Variants in ITGB5 observed in about 807,000 individuals in gnomAD.
ITGB5 encodes the protein integrin subunit beta 5, also known as integrin beta-5.
In ITGB5, 38 loss-of-function variants were observed where a neutral mutation model predicts 84.8. That is an observed-to-expected ratio of 0.45 (90% confidence interval 0.35 to 0.59). The LOEUF (loss-of-function observed/expected upper bound fraction) is 0.59. Ranked by LOEUF, ITGB5 falls within the 20% of genes least tolerant of loss-of-function variation. The pLI is 0.01. For missense variants in ITGB5, 905 were observed against 1,034.5 expected (o/e 0.87, Z 1.72); for synonymous variants, 393 against 414.4 (o/e 0.95, Z 0.63).
intron 1 of ITGB5, among the ~76,000 whole-genome samples, chr3:124,885,632 C>T (rs1934769150): frequency 6.6e-6 from 1 of 152,330 alleles, no homozygotes; most frequent in South Asian, 2.1e-4. Context: ...CTGTGTGATG[C>T]AGGCTACATC....
At chr3:124,796,324 G>A in intron 10 of ITGB5, 64 bp downstream of exon 10, 1 of 1,419,452 alleles carries the variant, frequency 7.0e-7, no homozygotes, top group Non-Finnish European at 9.7e-7. Context: ...GGCAGGCTTT[G>A]GGAGGGTGTC....
At chr3:124,864,448 G>A (rs923033798) in intron 2 of ITGB5, among the ~76,000 whole-genome samples, 2 of 152,032 alleles carry the variant, frequency 1.3e-5, no homozygotes, top group African/African-American at 4.8e-5. Flanking sequence ...AATGAATACG[G>A]ATGCCTCATA....
intron 10 of ITGB5, among the ~76,000 whole-genome samples, chr3:124,790,712 CT>C (rs377759349): frequency 7.2e-4 from 105 of 146,122 alleles, no homozygotes; most frequent in Admixed American, 7.6e-4. Context: ...TCTTCTTGTT[CT>C]TTTTTTTTTT....
chr3:124,843,903 G>C (rs1032197644), intron 4 of ITGB5, among the ~76,000 whole-genome samples: 12 of 152,132 alleles, frequency 7.9e-5, no homozygotes, highest in African/African-American at 2.7e-4. Context: ...GGGAGTGTCT[G>C]TATGTATAAA....
chr3:124,827,625 T>C (rs1031173480), intron 5 of ITGB5, among the ~76,000 whole-genome samples: 1 of 152,174 alleles, frequency 6.6e-6, no homozygotes, highest in South Asian at 2.1e-4. Context: ...GCCCTGCTGG[T>C]AGGAATGTAA....
rs1334812408 is a variant in ITGB5, at chr3:124,859,004, A to G, written c.361+238T>C. 5.3e-5 allele frequency among the ~76,000 whole-genome samples: 8 copies of G among 152,274 alleles called. No individual in the cohort carries two copies. In the South Asian group the frequency reaches 1.5e-3, roughly 28 times the overall value. On this transcript the variant is annotated intron_variant, in intron 3 of 14. Transcript: ENST00000296181. ...CGCTTAAATGGTAAATGTTATGTAT[A>G]TTTCACCACAATTGTTTAAAAATAG...
Position 124,877,399 on chromosome 3 carries a change from T to C in ITGB5, c.71-3868A>G, listed in dbSNP as rs140077565. On this transcript the variant is annotated intron_variant, in intron 1 of 14. Transcript: ENST00000296181. The stretch of plus-strand genomic sequence containing the variant: ...TCCCCGTACCTGTCAGCAATCACTA[T>C]CTGCAGGGGAAAAAAAATAAATCTA... Among the ~76,000 whole-genome samples, 3 of 152,250 alleles carry C rather than the reference T, an allele frequency of 2.0e-5. No homozygotes were observed. In the East Asian group the frequency reaches 5.8e-4, roughly 29 times the overall value.
At chr3:124,827,994 G>A (rs1030207178) in intron 5 of ITGB5, among the ~76,000 whole-genome samples, 2 of 103,236 alleles carry the variant, frequency 1.9e-5, no homozygotes, top group African/African-American at 5.0e-5. Flanking sequence ...CAACGCCCCC[G>A]CCGCCAGCTC....
chr3:124,851,608 AACAC>A (rs3836319), intron 3 of ITGB5, among the ~76,000 whole-genome samples: 1,543 of 146,036 alleles, frequency 0.011, 29 homozygotes, highest in African/African-American at 0.035. Flanking sequence ...TCAGTAAGAA[AACAC>A]ACACACACAC....
intron 2 of ITGB5, among the ~76,000 whole-genome samples, chr3:124,873,135 C>A (rs1934136664): frequency 6.6e-6 from 1 of 152,182 alleles, no homozygotes; most frequent in Admixed American, 6.5e-5. Context: ...AAGCTCAGGT[C>A]TTTTGGAGTT....
intron 13 of ITGB5, 143 bp downstream of exon 13, chr3:124,766,076 AGAAAAAG>A: frequency 1.3e-6 from 1 of 758,296 alleles, no homozygotes; most frequent in Non-Finnish European, 2.0e-6. Context: ...AAAAAAAAAA[AGAAAAAG>A]AAGAAATTGT....
At chr3:124,844,489 G>A (rs2065052268) in intron 4 of ITGB5, among the ~76,000 whole-genome samples, 2 of 152,146 alleles carry the variant, frequency 1.3e-5, no homozygotes, top group Admixed American at 1.3e-4. Flanking sequence ...GAACCCAGGA[G>A]GTGGAGGTTG....
At chr3:124,815,811 T>A (rs1403053721) in intron 8 of ITGB5, among the ~76,000 whole-genome samples, 1 of 152,160 alleles carries the variant, frequency 6.6e-6, no homozygotes, top group African/African-American at 2.4e-5. Flanking sequence ...TGTGCCCACA[T>A]AACCAGCTTA....
chr3:124,791,322 A>C (rs1051863074), intron 10 of ITGB5: 1 of 152,232 alleles, frequency 6.6e-6, no homozygotes, highest in Admixed American at 6.5e-5. Context: ...AGAGAGACAC[A>C]AGAGCCCCAA....
chr3:124,886,931 C>G lies in ITGB5; in HGVS notation c.70G>C (p.Gly24Arg). 1 of 1,213,420 alleles carries G rather than the reference C, an allele frequency of 8.2e-7. No homozygotes were observed. The highest frequency in any genetic ancestry group is 1.0e-6 in the Non-Finnish European group (1 of 976,222). The allele number at this position is 1,213,420 out of a possible 1,614,324, so 75.2% of individuals were successfully genotyped here. A position where few individuals can be genotyped will look rare whatever the true frequency, so the allele number is the denominator to read the frequency against. Residue 24 changes from glycine (G) to arginine (R), a missense_variant and splice_region_variant, in exon 1 of 15, where the codon GGT becomes CGT. Gly to Arg is a moderately radical substitution (Grantham distance 125). Around this residue, in one of 3 missense-constraint regions of ITGB5, gnomAD observed 656 missense variants for 734.7 expected, o/e 0.89. Transcript: ENST00000296181. Reference protein sequence around the residue: ...GLCALLPRLAGLNICTSGSAT... With the variant: ...GLCALLPRLARLNICTSGSAT... ...GGGCGCCGTGGGCGGCGCGGCTTACCTGCGAGCCGGGGCAGGAGCGCGCAG... is the reference window on the plus strand; with the variant it reads ...GGGCGCCGTGGGCGGCGCGGCTTACGTGCGAGCCGGGGCAGGAGCGCGCAG...
At chr3:124,790,403 C>CGCCTTTGACTAGACAGGGTTATCAGAACT in intron 10 of ITGB5, among the ~76,000 whole-genome samples, 1 of 128,532 alleles carries the variant, frequency 7.8e-6, no homozygotes, top group Non-Finnish European at 1.6e-5. Context: ...TTATCAGAAC[C>CGCCTTTGACTAGACAGGGTTATCAGAACT]GCCTTTGACT....
At chr3:124,874,065 A>T (rs1170672093) in intron 1 of ITGB5, among the ~76,000 whole-genome samples, 2 of 4,772 alleles carry the variant, frequency 4.2e-4, no homozygotes, top group African/African-American at 4.0e-3. Context: ...AGGTCAAATA[A>T]AAAAAAAAAA....
intron 8 of ITGB5, among the ~76,000 whole-genome samples, chr3:124,815,225 C>T (rs1383566685): frequency 2.0e-5 from 3 of 152,240 alleles, no homozygotes; most frequent in Non-Finnish European, 4.4e-5. Flanking sequence ...AGCTGGCTGA[C>T]CAGTGTGCCT....
intron 1 of ITGB5, among the ~76,000 whole-genome samples, chr3:124,883,458 G>A (rs1934668909): frequency 6.6e-6 from 1 of 152,156 alleles, no homozygotes; most frequent in South Asian, 2.1e-4. Context: ...ATAAACAGCA[G>A]TCTACAGACC....
Sources: allele counts gnomAD v4.1 joint callset (sites outside exome capture counted in the v4.1 genomes callset), GRCh38; gene constraint gnomAD v4.1.1; regional missense constraint gnomAD v4.1.1; transcripts MANE v1.5; gene names NCBI Gene and HGNC (gene_info 2026-07-23, HGNC 2026-07-21).